Variants in MTCL1 observed in about 807,000 individuals in gnomAD.
The protein encoded by MTCL1 is microtubule cross-linking factor 1.
MTCL1 carries 79 observed loss-of-function variants against 141.4 expected under a neutral mutation model. The ratio of observed to expected loss-of-function variants is 0.56; its 90% CI spans 0.47 to 0.67. MTCL1 has a LOEUF of 0.67. Among genes scored for constraint, MTCL1 ranks in the 30% least tolerant of loss-of-function variants. The probability of loss-of-function intolerance (pLI) is 0.00; values close to 1 mark genes in which losing one functional copy is unlikely to be tolerated. For synonymous variants in MTCL1, 914 were observed against 875.8 expected (o/e 1.04, Z -0.77); for missense variants, 2,177 against 2,113.9 (o/e 1.03, Z -0.59).
intron 4 of MTCL1, among the ~76,000 whole-genome samples, chr18:8,766,844 AT>A (rs1211941271): frequency 6.6e-6 from 1 of 151,666 alleles, no homozygotes; most frequent in Non-Finnish European, 1.5e-5. Context: ...AGGGCTGGGT[AT>A]TGTTCTTTGG....
At chr18:8,744,547 C>T (rs951631055) in intron 4 of MTCL1, among the ~76,000 whole-genome samples, 1 of 152,192 alleles carries the variant, frequency 6.6e-6, no homozygotes, top group African/African-American at 2.4e-5. Flanking sequence ...CTGCTTCCTG[C>T]TGCTTCTTGT....
At chr18:8,794,570 C>CA (rs2075849104) in intron 8 of MTCL1, among the ~76,000 whole-genome samples, 1 of 152,194 alleles carries the variant, frequency 6.6e-6, no homozygotes, top group African/African-American at 2.4e-5. Flanking sequence ...GGAAGGGTCT[C>CA]ACGTTACCTT....
chr18:8,820,350 T>C (rs1021304896), intron 13 of MTCL1, among the ~76,000 whole-genome samples: 3 of 151,778 alleles, frequency 2.0e-5, no homozygotes, highest in Admixed American at 6.6e-5. Flanking sequence ...GCGGAGCTTG[T>C]AGTGAGCCAA....
At chr18:8,832,584 T>A (rs2077216685) in exon 17 of MTCL1, 1 of 152,224 alleles carries the variant, frequency 6.6e-6, no homozygotes, top group Admixed American at 6.5e-5. Context: ...TCTTCTTGCA[T>A]CGATGATCCA....
chr18:8,825,059 C>T, exon 15 of MTCL1: 6 of 1,612,872 alleles, frequency 3.7e-6, no homozygotes, highest in African/African-American at 1.3e-5. Flanking sequence ...GGAGCCACGT[C>T]CTCACCGAGC....
intron 14 of MTCL1, among the ~76,000 whole-genome samples, chr18:8,824,379 CACTG>C (rs949647173): frequency 7.9e-5 from 12 of 152,170 alleles, no homozygotes; most frequent in African/African-American, 2.9e-4. Context: ...TGAGAATTCT[CACTG>C]AGGCACTGAG....
At chr18:8,785,586 T>C in intron 6 of MTCL1, 1 of 263,204 alleles carries the variant, frequency 3.8e-6, no homozygotes, top group East Asian at 9.6e-5. Context: ...TCCGTTTCCT[T>C]CACGGGTAGC....
exon 13 of MTCL1, chr18:8,819,205 A>G (rs1295483022): frequency 1.2e-6 from 2 of 1,614,232 alleles, no homozygotes; most frequent in South Asian, 2.2e-5. Context: ...ATGACGAGCC[A>G]GAAGAGCCAC....
At position 8,786,110 on chromosome 18, in the gene MTCL1, T is replaced by TCCCCCCCCCCA; in HGVS notation, c.1887+29_1887+30insACCCCCCCCCC. 1.1e-4 allele frequency: 140 copies of TCCCCCCCCCCA among 1,310,320 alleles called. No individual in the cohort carries two copies. The highest frequency in any genetic ancestry group is 6.9e-4 in the South Asian group (53 of 77,192). 81.2% of individuals were successfully genotyped at this position (1,310,320 alleles called of 1,614,324 possible). Reference sequence around the variant, plus strand: ...CCTGGAGGTCAGCGTGGGCAAGCAATCCCCCCCCCCCGCCCTCCCCCTCCT... The same window carrying TCCCCCCCCCCA: ...CCTGGAGGTCAGCGTGGGCAAGCAATCCCCCCCCCCACCCCCCCCCCCGCCCTCCCCCTCCT... On this transcript the variant is annotated intron_variant, in intron 7 of 16. Coordinates refer to ENST00000359865, the Ensembl canonical transcript of MTCL1.
At chr18:8,736,777 A>G (rs1220057807) in intron 4 of MTCL1, among the ~76,000 whole-genome samples, 2 of 151,542 alleles carry the variant, frequency 1.3e-5, no homozygotes, top group Non-Finnish European at 2.9e-5. Flanking sequence ...AGCTGGGACT[A>G]CAGGCGCCCA....
At chr18:8,773,876 GTCTA>G (rs2096494635) in intron 4 of MTCL1, among the ~76,000 whole-genome samples, 1 of 152,126 alleles carries the variant, frequency 6.6e-6, no homozygotes, top group Admixed American at 6.5e-5. Flanking sequence ...TCATTAATCT[GTCTA>G]TCTTATACCA....
chr18:8,783,663 A>C (rs1247239475), exon 6 of MTCL1: 1 of 1,612,720 alleles, frequency 6.2e-7, no homozygotes, highest in Non-Finnish European at 8.5e-7. Context: ...AAGTCCCTCT[A>C]TGGGGATGTG....
intron 4 of MTCL1, among the ~76,000 whole-genome samples, chr18:8,767,151 G>A (rs1380073430): frequency 6.6e-6 from 1 of 152,246 alleles, no homozygotes; most frequent in Admixed American, 6.5e-5. Flanking sequence ...GGAGCAGAAA[G>A]TTACCCCCTC....
rs141478791 is a variant in MTCL1 at position 8,798,158 on chromosome 18, C to T, written c.2303C>T (p.Ala768Val). 1.7e-4 allele frequency: 272 copies of T among 1,595,456 alleles called. No individual in the cohort carries two copies. The highest frequency in any genetic ancestry group is 2.0e-4 in the Non-Finnish European group (240 of 1,171,916). ...CTTGGAGTCCAGGGGGGTCACCAGG[C>T]GGATGGCCCAGACCACGACAGTGAC... The change falls in exon 10 of 17, where the codon GCG (alanine) becomes GTG (valine). Residue 768 changes from alanine to valine, a missense_variant. Physicochemically the swap from Ala to Val is moderately conservative, Grantham distance 64 (BLOSUM62 0). Coordinates refer to ENST00000359865, the Ensembl canonical transcript of MTCL1.
At chr18:8,804,806 C>T (rs1325947993) in intron 10 of MTCL1, among the ~76,000 whole-genome samples, 1 of 152,060 alleles carries the variant, frequency 6.6e-6, no homozygotes, top group African/African-American at 2.4e-5. Context: ...GCCTGAGCAA[C>T]ATGATGAAAC....
At chr18:8,819,570 T>C (rs2076774008) in intron 13 of MTCL1, among the ~76,000 whole-genome samples, 1 of 152,142 alleles carries the variant, frequency 6.6e-6, no homozygotes, top group Non-Finnish European at 1.5e-5. Context: ...AAGTAAATAA[T>C]TCTGGGAAGT....
intron 14 of MTCL1, among the ~76,000 whole-genome samples, chr18:8,823,543 A>G (rs1231177492): frequency 5.9e-5 from 9 of 152,250 alleles, no homozygotes; most frequent in African/African-American, 2.2e-4. Context: ...TGACCTTGGG[A>G]CAAATCAACC....
chr18:8,816,949 A>G (rs2076674925), intron 12 of MTCL1, among the ~76,000 whole-genome samples: 1 of 152,228 alleles, frequency 6.6e-6, no homozygotes, highest in Admixed American at 6.5e-5. Flanking sequence ...AGCAGCAGAT[A>G]TCTCCACCAC....
At chr18:8,726,295 T>C (rs1392163877) in intron 4 of MTCL1, among the ~76,000 whole-genome samples, 2 of 146,068 alleles carry the variant, frequency 1.4e-5, no homozygotes, top group South Asian at 2.2e-4. Flanking sequence ...TCTTTTTTTT[T>C]TTTTTTTTTT....
Sources: gnomAD v4.1 joint callset for allele counts (sites outside exome capture counted in the v4.1 genomes callset) on GRCh38, gnomAD v4.1.1 for gene constraint, MANE v1.5 for transcripts, NCBI Gene and HGNC (gene_info 2026-07-23, HGNC 2026-07-21) for gene names.